The following BBS9 variants were observed in gnomAD, a reference collection of about 807,000 sequenced individuals.
BBS9 encodes protein PTHB1.
BBS9 carries 89 observed loss-of-function variants against 117.7 expected under a neutral mutation model. The observed-to-expected ratio is 0.76, with a 90% CI of 0.64 to 0.90. BBS9 has a LOEUF of 0.90. BBS9 is among the 40% of genes least tolerant of loss of function. The pLI, the probability that BBS9 is intolerant of heterozygous loss-of-function variation, is 0.00. For synonymous variants in BBS9, 379 were observed against 370.9 expected (o/e 1.02, Z -0.25); for missense variants, 982 against 1,042.2 (o/e 0.94, Z 0.80).
At chr7:33,280,905 G>GTTTTTTTTTTTATTTTTTT (rs748350404) in intron 9 of BBS9, among the ~76,000 whole-genome samples, 1 of 48,772 alleles carries the variant, frequency 2.1e-5, no homozygotes. Flanking sequence ...TTAATTTGTC[G>GTTTTTTTTTTTATTTTTTT]TTTTTGTTTT....
At chr7:33,371,793 A>G (rs1311084339) in intron 17 of BBS9, among the ~76,000 whole-genome samples, 1 of 152,226 alleles carries the variant, frequency 6.6e-6, no homozygotes, top group East Asian at 1.9e-4. Flanking sequence ...TGGAATTTCC[A>G]TCTAGAGTTT....
chr7:33,166,624 G>A (rs1795736747), intron 4 of BBS9, among the ~76,000 whole-genome samples: 1 of 152,230 alleles, frequency 6.6e-6, no homozygotes, highest in African/African-American at 2.4e-5. Context: ...AGACTGCTGC[G>A]CTAGTAGTGA....
chr7:33,307,587 T>C (rs904254881), intron 9 of BBS9, among the ~76,000 whole-genome samples: 1 of 152,132 alleles, frequency 6.6e-6, no homozygotes, highest in Non-Finnish European at 1.5e-5. Context: ...TAAAGTCTCT[T>C]ATATAAAGTG....
At chr7:33,258,280 T>C (rs1288352154) in intron 6 of BBS9, among the ~76,000 whole-genome samples, 1 of 151,630 alleles carries the variant, frequency 6.6e-6, no homozygotes, top group African/African-American at 2.4e-5. Flanking sequence ...TTTGGCCACA[T>C]CATTATTCCC....
At chr7:33,325,509 A>G (rs952265627) in intron 9 of BBS9, among the ~76,000 whole-genome samples, 2 of 152,056 alleles carry the variant, frequency 1.3e-5, no homozygotes, top group Non-Finnish European at 2.9e-5. Flanking sequence ...TGGTAAGGTC[A>G]TGTTTTCCTG....
At chr7:33,338,941 G>A (rs1020577412) in intron 10 of BBS9, among the ~76,000 whole-genome samples, 1 of 152,180 alleles carries the variant, frequency 6.6e-6, no homozygotes, top group Non-Finnish European at 1.5e-5. Context: ...GCAGTAAGAC[G>A]TGGGGATATA....
At chr7:33,535,837 G>C (rs575941619) in intron 21 of BBS9, among the ~76,000 whole-genome samples, 23 of 152,204 alleles carry the variant, frequency 1.5e-4, no homozygotes, top group Middle Eastern at 3.4e-3. Context: ...AGAGGGATGG[G>C]ATGGCCCATC....
At chr7:33,270,854 G>T (rs1799675200) in intron 7 of BBS9, among the ~76,000 whole-genome samples, 2 of 152,098 alleles carry the variant, frequency 1.3e-5, no homozygotes, top group Non-Finnish European at 2.9e-5. Flanking sequence ...TTCGGGAAAT[G>T]CAGAGAACCC....
chr7:33,421,016 T>G (rs1226352531), intron 19 of BBS9, among the ~76,000 whole-genome samples: 1 of 152,184 alleles, frequency 6.6e-6, no homozygotes, highest in African/African-American at 2.4e-5. Context: ...ATTGATTTGC[T>G]TTTCAGCGAA....
At chr7:33,378,011 A>G (rs1222849581) in intron 17 of BBS9, among the ~76,000 whole-genome samples, 1 of 152,238 alleles carries the variant, frequency 6.6e-6, no homozygotes, top group Non-Finnish European at 1.5e-5. Context: ...TAAAAAGCAC[A>G]TAATAATTTC....
At chr7:33,502,572 T>C (rs2129012298) in intron 19 of BBS9, among the ~76,000 whole-genome samples, 1 of 152,346 alleles carries the variant, frequency 6.6e-6, no homozygotes. Flanking sequence ...TTGTTAGTAA[T>C]GGCCATGTGT....
intron 4 of BBS9, among the ~76,000 whole-genome samples, chr7:33,157,328 T>C (rs970599149): frequency 6.6e-6 from 1 of 152,244 alleles, no homozygotes. Flanking sequence ...CAAGTAAGTG[T>C]TGAAAATGAA....
chr7:33,157,532 G>C (rs1306474685), intron 4 of BBS9: 1 of 151,608 alleles, frequency 6.6e-6, no homozygotes, highest in African/African-American at 2.4e-5. Context: ...CCTGGCTTGG[G>C]CTTAAATTGA....
At chr7:33,375,595 CTTTT>C (rs11344728) in intron 17 of BBS9, among the ~76,000 whole-genome samples, 12 of 127,470 alleles carry the variant, frequency 9.4e-5, no homozygotes, top group East Asian at 4.5e-4. Flanking sequence ...TTCTTTCTTT[CTTTT>C]TTTTTTTTTT....
chr7:33,513,129 G>A (rs868002785), intron 20 of BBS9, among the ~76,000 whole-genome samples: 5 of 152,016 alleles, frequency 3.3e-5, no homozygotes, highest in South Asian at 2.1e-4. Context: ...GTGACTCCCC[G>A]GCTACCCCCT....
At chr7:33,175,422 T>G (rs1247246142) in intron 4 of BBS9, among the ~76,000 whole-genome samples, 1 of 152,182 alleles carries the variant, frequency 6.6e-6, no homozygotes, top group African/African-American at 2.4e-5. Context: ...TTTTCCTCTT[T>G]TAACTATTAA....
Position 33,635,196 on chromosome 7 carries a change from G to A in BBS9, c.2541G>A (p.Arg847=), listed in dbSNP as rs1866085919. Among the ~76,000 whole-genome samples, 1 of 145,114 alleles carries A rather than the reference G, an allele frequency of 6.9e-6. No individual in the cohort carries two copies. Among genetic ancestry groups the A allele is most frequent in the Non-Finnish European group, 1.5e-5 (1 of 65,112 alleles). The stretch of plus-strand genomic sequence containing the variant: ...TCACAGACCCCAGGACTGGACAGAG[G>A]ATCGAGGCCTGGACCCTAAGAATAC... The change falls in exon 22 of 22, where the codon AGG becomes AGA. Residue 847 remains arginine, a synonymous_variant. Coordinates refer to the BBS9 transcript ENST00000671952.
intron 21 of BBS9, among the ~76,000 whole-genome samples, chr7:33,550,450 G>T (rs1017887604): frequency 6.6e-6 from 1 of 152,070 alleles, no homozygotes; most frequent in Non-Finnish European, 1.5e-5. Context: ...GTATCCACAA[G>T]TAAATGGGGC....
intron 21 of BBS9, among the ~76,000 whole-genome samples, chr7:33,578,002 G>A (rs1490533273): frequency 2.0e-5 from 3 of 152,132 alleles, no homozygotes; most frequent in African/African-American, 7.2e-5. Context: ...GTATACCTAT[G>A]TAACAAATCT....
Sources: gnomAD v4.1 joint callset for allele counts (sites outside exome capture counted in the v4.1 genomes callset) on GRCh38, gnomAD v4.1.1 for gene constraint, MANE v1.5 for transcripts, NCBI Gene and HGNC (gene_info 2026-07-23, HGNC 2026-07-21) for gene names.